Variants in SLC39A14 observed in about 807,000 individuals in gnomAD.
The protein encoded by SLC39A14 is metal cation symporter ZIP14.
A neutral mutation model predicts 45.5 loss-of-function variants in SLC39A14; 19 were observed. That is an observed-to-expected ratio of 0.42 (90% confidence interval 0.29 to 0.61). The LOEUF (loss-of-function observed/expected upper bound fraction) is 0.61, where lower values mean the gene tolerates loss of function less well. Among genes scored for constraint, SLC39A14 ranks in the 20% least tolerant of loss-of-function variants. SLC39A14 has a pLI of 0.22. For missense variants in SLC39A14, 447 were observed against 616.5 expected, an observed-to-expected ratio of 0.73 and a Z score of 2.91; for synonymous variants, 264 against 251.3, an observed-to-expected ratio of 1.05 and a Z score of -0.48.
chr8:22,421,497 G>A lies in SLC39A14; in HGVS notation c.*1799G>A, dbSNP rs898501443. Reference sequence around the variant, plus strand: ...TAAATATCAGGACTGATTTCCTGGTGGGATTATGGTCCAGTTTTACCAAAG... The same window carrying A: ...TAAATATCAGGACTGATTTCCTGGTAGGATTATGGTCCAGTTTTACCAAAG... On this transcript the variant is annotated 3_prime_UTR_variant, in exon 9 of 9. Coordinates refer to ENST00000381237, the MANE Select transcript of SLC39A14 (RefSeq NM_001128431.4). 6 of 985,224 alleles carry A rather than the reference G, an allele frequency of 6.1e-6. No individual in the cohort carries two copies. Among genetic ancestry groups the A allele is most frequent in the African/African-American group, 3.5e-5 (2 of 57,146 alleles). 61.0% of individuals were successfully genotyped at this position (985,224 alleles called of 1,614,324 possible). A position where few individuals can be genotyped will look rare whatever the true frequency, so the allele number is the denominator to read the frequency against.
chr8:22,426,282 A>G (rs7834403), downstream of SLC39A14, among the ~76,000 whole-genome samples: 4,120 of 152,014 alleles, frequency 0.027, 198 homozygotes, highest in African/African-American at 0.096. Context: ...TGCAGCCTCA[A>G]TCTCCTGGGC....
intron 1 of SLC39A14, chr8:22,392,970 ATTAG>A (rs138406943): frequency 6.6e-6 from 1 of 152,442 alleles, no homozygotes; most frequent in African/African-American, 2.4e-5. Context: ...CTCAGTAAAT[ATTAG>A]TTGGTGAACA....
chr8:22,372,720 A>G (rs1485386774), intron 1 of SLC39A14, among the ~76,000 whole-genome samples: 1 of 152,080 alleles, frequency 6.6e-6, no homozygotes, highest in Non-Finnish European at 1.5e-5. Context: ...TAATTCTCAA[A>G]CTTTTTGATG....
chr8:22,434,057 T>C (rs370051293), exon 9 of SLC39A14: 24 of 195,328 alleles, frequency 1.2e-4, no homozygotes, highest in South Asian at 1.0e-3. Flanking sequence ...TATATGGTTA[T>C]ATTTTAGCTT....
intron 2 of SLC39A14, among the ~76,000 whole-genome samples, 157 bp from the exon 3 acceptor site, chr8:22,408,153 G>C (rs142397176): frequency 0.011 from 1,704 of 152,284 alleles, 19 homozygotes; most frequent in African/African-American, 0.039. Flanking sequence ...GGAATACCTT[G>C]CCCTCATCCC....
intron 1 of SLC39A14, among the ~76,000 whole-genome samples, chr8:22,392,055 C>T (rs949744616): frequency 3.9e-5 from 6 of 152,144 alleles, no homozygotes; most frequent in Non-Finnish European, 7.3e-5. Flanking sequence ...AAGTTATCTT[C>T]AAGGAATACA....
intron 3 of SLC39A14, chr8:22,410,186 C>T (rs888117896): frequency 2.6e-6 from 4 of 1,525,578 alleles, no homozygotes; most frequent in Admixed American, 3.4e-5. Context: ...CCCTCCTCCC[C>T]TACCCTGGGC....
chr8:22,404,671 C>T, intron 1 of SLC39A14, 25 bp from the exon 2 acceptor site: 1 of 1,594,474 alleles, frequency 6.3e-7, no homozygotes, highest in Non-Finnish European at 8.6e-7. Flanking sequence ...GAGGCCTCAG[C>T]TTCACCTGCC....
chr8:22,389,394 C>T (rs1015214053), intron 1 of SLC39A14, among the ~76,000 whole-genome samples: 6 of 148,004 alleles, frequency 4.1e-5, no homozygotes, highest in Non-Finnish European at 7.4e-5. Flanking sequence ...GAGGAGGAGT[C>T]GGGCGTGAGC....
At chr8:22,399,248 C>T (rs961366751) in intron 1 of SLC39A14, among the ~76,000 whole-genome samples, 1 of 152,194 alleles carries the variant, frequency 6.6e-6, no homozygotes, top group Non-Finnish European at 1.5e-5. Flanking sequence ...CCCGGCCTCC[C>T]CGTCCCAGCG....
chr8:22,408,542 C>T (rs779515680), intron 3 of SLC39A14, 46 bp downstream of exon 3: 39 of 1,549,878 alleles, frequency 2.5e-5, no homozygotes, highest in Middle Eastern at 2.2e-4. Context: ...ATCTCGCCCG[C>T]GTCTCACAAG....
intron 3 of SLC39A14, among the ~76,000 whole-genome samples, chr8:22,409,572 GGGTTTCACCATGTTAGTCAGGCC>G (rs2132331756): frequency 1.3e-5 from 2 of 152,066 alleles, no homozygotes; most frequent in African/African-American, 4.8e-5. Context: ...AGTAGAGATG[GGGTTTCACCATGTTAGTCAGGCC>G]GGTCTCGAAC....
chr8:22,369,963 T>C (rs1302716083), intron 1 of SLC39A14, among the ~76,000 whole-genome samples: 1 of 152,168 alleles, frequency 6.6e-6, no homozygotes, highest in Non-Finnish European at 1.5e-5. Context: ...GGAAGGCCGC[T>C]TTTCTGTGGC....
intron 4 of SLC39A14, 97 bp downstream of exon 4, chr8:22,412,303 C>T: frequency 7.6e-7 from 1 of 1,308,306 alleles, no homozygotes; most frequent in Non-Finnish European, 1.0e-6. Flanking sequence ...ACCTGGAGGC[C>T]CTTTCCTTTT....
In SLC39A14 at chr8:22,421,278, A is replaced by G. The variant is rs952706878; in HGVS notation, c.*1580A>G. 2.9e-5 allele frequency: 29 copies of G among 985,874 alleles called. No homozygotes were observed. Among genetic ancestry groups the G allele is most frequent in the Non-Finnish European group, 3.0e-5 (25 of 829,940 alleles). The allele number at this position is 985,874 out of a possible 1,614,324, so 61.1% of individuals were successfully genotyped here. ...ATAGAAAAACTGTCCGCTCTCAGTA[A>G]TCACAAGCAGCATCCGTTTTGTTTT... On this transcript the variant is annotated 3_prime_UTR_variant, in exon 9 of 9. Transcript: ENST00000381237.
intron 1 of SLC39A14, among the ~76,000 whole-genome samples, chr8:22,387,052 G>C (rs927255239): frequency 1.3e-5 from 2 of 151,920 alleles, no homozygotes; most frequent in African/African-American, 4.8e-5. Context: ...GTGAACGTCT[G>C]GTCCTAGCTG....
chr8:22,369,056 C>A (rs1832797420), intron 1 of SLC39A14, among the ~76,000 whole-genome samples: 1 of 152,082 alleles, frequency 6.6e-6, no homozygotes. Flanking sequence ...GTTCCTTTTC[C>A]TGGTGGAGGC....
chr8:22,391,900 C>T (rs531127888), intron 1 of SLC39A14, among the ~76,000 whole-genome samples: 6 of 152,220 alleles, frequency 3.9e-5, no homozygotes, highest in African/African-American at 7.2e-5. Flanking sequence ...GTTGCAGGGG[C>T]GATGCAGGCC....
chr8:22,371,391 A>T (rs868186990), intron 1 of SLC39A14, among the ~76,000 whole-genome samples: 1 of 143,258 alleles, frequency 7.0e-6, no homozygotes, highest in Middle Eastern at 4.1e-3. Context: ...TAAAAGTTGG[A>T]TATCTAAAAA....
Sources: gnomAD v4.1 joint callset for allele counts (sites outside exome capture counted in the v4.1 genomes callset) on GRCh38, gnomAD v4.1.1 for gene constraint, MANE v1.5 for transcripts, NCBI Gene and HGNC (gene_info 2026-07-23, HGNC 2026-07-21) for gene names.